Variants in NALF1 observed in about 807,000 individuals in gnomAD.
The protein encoded by NALF1 is family with sequence similarity 155 member A.
In NALF1, 3 loss-of-function variants were observed where a neutral mutation model predicts 48.4. The ratio of observed to expected loss-of-function variants is 0.06; its 90% CI spans 0.03 to 0.16. The LOEUF is 0.16. NALF1 is among the 10% of genes least tolerant of loss of function. NALF1 has a pLI of 1.00. For synonymous variants in NALF1, 262 were observed against 245.7 expected (o/e 1.07, Z -0.62); for missense variants, 526 against 571.5 (o/e 0.92, Z 0.81).
At chr13:107,644,584 GAAAAAAATACCTTTAAA>G (rs1880253147) in intron 1 of NALF1, among the ~76,000 whole-genome samples, 1 of 142,010 alleles carries the variant, frequency 7.0e-6, no homozygotes, top group Admixed American at 7.3e-5. Context: ...TCACAGGACA[GAAAAAAATACCTTTAAA>G]AAAGACATTT....
In NALF1 at chr13:107,259,466, T is replaced by C. The variant is rs943706831; in HGVS notation, c.916-48711A>G. ...GGGTCTTGCAGATTTGTCTGTCCCC[T>C]GAGCCTGCTATCATGCCCACAGGAC... On this transcript the variant is annotated intron_variant, in intron 1 of 2. Transcript: ENST00000375915. 2.6e-5 allele frequency among the ~76,000 whole-genome samples: 4 copies of C among 152,194 alleles called. No individual in the cohort carries two copies. The South Asian group carries it at 8.3e-4, about 32-fold the overall frequency.
intron 1 of NALF1, among the ~76,000 whole-genome samples, chr13:107,334,140 A>T (rs1215608032): frequency 6.6e-6 from 1 of 152,216 alleles, no homozygotes; most frequent in African/African-American, 2.4e-5. Flanking sequence ...CTGTGATGGC[A>T]GATCAAATTC....
At chr13:107,629,377 T>C (rs719186) in intron 1 of NALF1, among the ~76,000 whole-genome samples, 87,995 of 152,018 alleles carry the variant, frequency 0.58, 27,941 homozygotes, top group East Asian at 0.99. Context: ...GAATGTATCA[T>C]ATTGTTCTCT....
rs61429641 is a variant in NALF1 at position 107,586,635 on chromosome 13, A to ATTTTTTTTTTTTTTTTTTTTTT, written c.915+279046_915+279047insAAAAAAAAAAAAAAAAAAAAAA. On this transcript the variant is annotated intron_variant, in intron 1 of 2. Transcript: ENST00000375915. ...CTACATTTAAAGCTCCCCTATGGAGATTTTTTTTTTTTTTGCTAGGAATGA... is the reference window on the plus strand; with the variant it reads ...CTACATTTAAAGCTCCCCTATGGAGATTTTTTTTTTTTTTTTTTTTTTTTTTTTTTTTTTTTGCTAGGAATGA... Among the ~76,000 whole-genome samples the ATTTTTTTTTTTTTTTTTTTTTT allele has an allele frequency of 5.5e-4, 51 of 93,106 alleles. 11 individuals are homozygous for ATTTTTTTTTTTTTTTTTTTTTT. Among genetic ancestry groups the ATTTTTTTTTTTTTTTTTTTTTT allele is most frequent in the African/African-American group, 1.3e-3 (28 of 21,954 alleles). 61.1% of individuals were successfully genotyped at this position (93,106 alleles called of 152,430 possible).
chr13:107,681,187 C>T (rs1297177788), intron 1 of NALF1, among the ~76,000 whole-genome samples: 2 of 152,054 alleles, frequency 1.3e-5, no homozygotes, highest in African/African-American at 4.8e-5. Context: ...ACGAGTGGCA[C>T]TAACCACGGA....
intron 1 of NALF1, among the ~76,000 whole-genome samples, chr13:107,814,335 T>A (rs1879100166): frequency 6.6e-6 from 1 of 152,190 alleles, no homozygotes; most frequent in Admixed American, 6.5e-5. Context: ...ACACGGAGGC[T>A]GTAGACCCTT....
At chr13:107,222,734 G>C (rs530427512) in intron 1 of NALF1, among the ~76,000 whole-genome samples, 1 of 152,296 alleles carries the variant, frequency 6.6e-6, no homozygotes, top group Non-Finnish European at 1.5e-5. Flanking sequence ...GACTAGGCAA[G>C]ACCCGAATAT....
At chr13:107,227,713 G>A (rs1175482884) in intron 1 of NALF1, among the ~76,000 whole-genome samples, 1 of 152,154 alleles carries the variant, frequency 6.6e-6, no homozygotes, top group Admixed American at 6.5e-5. Context: ...TACCTGAAGA[G>A]GTAAGAGTCC....
At chr13:107,256,540 A>C (rs968553438) in intron 1 of NALF1, among the ~76,000 whole-genome samples, 63 of 152,250 alleles carry the variant, frequency 4.1e-4, no homozygotes, top group African/African-American at 1.3e-3. Context: ...ATCTTCCTCC[A>C]GTATTCAAAA....
chr13:107,462,694 C>G (rs1470026320), intron 1 of NALF1, among the ~76,000 whole-genome samples: 3 of 152,166 alleles, frequency 2.0e-5, no homozygotes, highest in Non-Finnish European at 2.9e-5. Context: ...CAGCTAGTTC[C>G]CAGAGAAACC....
chr13:107,559,076 T>C (rs1318629950), intron 1 of NALF1, among the ~76,000 whole-genome samples: 1 of 152,284 alleles, frequency 6.6e-6, no homozygotes, highest in Non-Finnish European at 1.5e-5. Flanking sequence ...TCATAACAGA[T>C]CTCTTTCTGT....
At chr13:107,609,502 G>C (rs991585182) in intron 1 of NALF1, among the ~76,000 whole-genome samples, 1 of 152,168 alleles carries the variant, frequency 6.6e-6, no homozygotes, top group African/African-American at 2.4e-5. Flanking sequence ...TTTCAACCAA[G>C]AGCCTTGTGA....
At chr13:107,784,665 T>C (rs969925807) in intron 1 of NALF1, among the ~76,000 whole-genome samples, 2 of 152,150 alleles carry the variant, frequency 1.3e-5, no homozygotes, top group South Asian at 2.1e-4. Context: ...ACATCATTAA[T>C]GATCAGGGAA....
At chr13:107,507,234 A>G (rs2139084014) in intron 1 of NALF1, among the ~76,000 whole-genome samples, 1 of 152,190 alleles carries the variant, frequency 6.6e-6, no homozygotes, top group Non-Finnish European at 1.5e-5. Context: ...GGGATTTTCT[A>G]GTTGGCAGGT....
intron 1 of NALF1, among the ~76,000 whole-genome samples, chr13:107,607,631 C>T (rs1216380512): frequency 4.6e-5 from 7 of 152,176 alleles, no homozygotes; most frequent in Admixed American, 4.6e-4. Context: ...ACTCCTCCCT[C>T]CTGCTCTGTG....
intron 1 of NALF1, among the ~76,000 whole-genome samples, chr13:107,595,709 G>A (rs1282927510): frequency 2.0e-5 from 3 of 152,130 alleles, no homozygotes; most frequent in Admixed American, 6.6e-5. Flanking sequence ...GCTGTCACAT[G>A]CATCATCTGT....
At chr13:107,800,232 C>T (rs1048454261) in intron 1 of NALF1, among the ~76,000 whole-genome samples, 1 of 152,128 alleles carries the variant, frequency 6.6e-6, no homozygotes, top group African/African-American at 2.4e-5. Context: ...CTTTGCCTGG[C>T]TGTCGTGAAC....
At chr13:107,280,459 A>C (rs1881365266) in intron 1 of NALF1, among the ~76,000 whole-genome samples, 1 of 152,222 alleles carries the variant, frequency 6.6e-6, no homozygotes, top group Non-Finnish European at 1.5e-5. Context: ...TTCATCAAAC[A>C]CTCAAGAGTG....
intron 2 of NALF1, among the ~76,000 whole-genome samples, 179 bp from the exon 3 acceptor site, chr13:107,170,965 T>C (rs894050831): frequency 6.6e-6 from 1 of 152,226 alleles, no homozygotes; most frequent in Non-Finnish European, 1.5e-5. Context: ...CAAACCAGTA[T>C]TGTTAGATTC....
Sources: allele counts gnomAD v4.1 joint callset (sites outside exome capture counted in the v4.1 genomes callset), GRCh38; gene constraint gnomAD v4.1.1; transcripts MANE v1.5; gene names NCBI Gene and HGNC (gene_info 2026-07-23, HGNC 2026-07-21).